Variants in MTA3 observed in about 807,000 individuals in gnomAD.
MTA3 encodes the protein metastasis associated 1 family member 3.
In MTA3, 34 loss-of-function variants were observed where a neutral mutation model predicts 83.5. That is an observed-to-expected ratio of 0.41 (90% CI 0.31 to 0.54). The LOEUF (loss-of-function observed/expected upper bound fraction) is 0.54, where lower values mean the gene tolerates loss of function less well. Ranked by LOEUF, MTA3 falls within the 20% of genes least tolerant of loss-of-function variation. MTA3 has a pLI of 0.33. For synonymous variants in MTA3, 303 were observed against 252.7 expected (o/e 1.20, Z -1.89); for missense variants, 761 against 726.4 (o/e 1.05, Z -0.55).
chr2:42,755,460 G>C lies in MTA3; in HGVS notation c.*2061G>C, dbSNP rs1316821147. The C allele has an allele frequency of 5.1e-6, 5 of 985,348 alleles. No individual in the cohort carries two copies. The highest frequency in any genetic ancestry group is 5.2e-4 in the Middle Eastern group (1 of 1,936). 61.0% of individuals were successfully genotyped at this position (985,348 alleles called of 1,614,324 possible). Reference sequence around the variant, plus strand: ...ATCTACCCAGTTGACATTTGGCTTTGGGAAAAGCGCAGCTTGTTCGAGCCA... The same window carrying C: ...ATCTACCCAGTTGACATTTGGCTTTCGGAAAAGCGCAGCTTGTTCGAGCCA... On this transcript the variant is annotated 3_prime_UTR_variant, in exon 17 of 17. Transcript: ENST00000405094.
Position 42,697,764 on chromosome 2 carries a change from C to T in MTA3, c.967-12C>T, listed in dbSNP as rs959646890. 8 of 1,525,042 alleles carry T rather than the reference C, an allele frequency of 5.2e-6. No individual in the cohort carries two copies. The highest frequency in any genetic ancestry group is 1.4e-5 in the African/African-American group (1 of 72,124). 94.5% of individuals were successfully genotyped at this position (1,525,042 alleles called of 1,614,324 possible). A position where few individuals can be genotyped will look rare whatever the true frequency, so the allele number is the denominator to read the frequency against. On this transcript the variant is annotated splice_polypyrimidine_tract_variant and intron_variant, in intron 10 of 16. Transcript: ENST00000405094. ...ATTGCATGTAAAATGTTTTATTCAT[C>T]TTTTGAATTAGAAACGTCTAAAAGC... is the stretch of plus-strand genomic sequence containing the variant.
intron 10 of MTA3, 23 bp from the exon 11 acceptor site, chr2:42,697,753 G>A (rs1033899337): frequency 2.3e-5 from 34 of 1,502,070 alleles, no homozygotes; most frequent in Non-Finnish European, 3.0e-5. Context: ...CATGTAAAAT[G>A]TTTTATTCAT....
At chr2:42,666,838 T>C (rs1239270679) in intron 8 of MTA3, among the ~76,000 whole-genome samples, 1 of 152,190 alleles carries the variant, frequency 6.6e-6, no homozygotes, top group African/African-American at 2.4e-5. Flanking sequence ...TGAGAATGAG[T>C]AAATTAGCTT....
intron 16 of MTA3, among the ~76,000 whole-genome samples, chr2:42,729,538 A>G (rs1283480843): frequency 6.6e-6 from 1 of 152,058 alleles, no homozygotes; most frequent in African/African-American, 2.4e-5. Flanking sequence ...AAGAGACTAT[A>G]TTTTCTCCAA....
chr2:42,677,983 C>T (rs1691537036), intron 8 of MTA3, among the ~76,000 whole-genome samples: 1 of 152,186 alleles, frequency 6.6e-6, no homozygotes, highest in Admixed American at 6.5e-5. Context: ...TAATGGGGTA[C>T]ATACTACATT....
At chr2:42,536,281 C>G (rs1007004346) in intron 2 of MTA3, among the ~76,000 whole-genome samples, 7 of 151,468 alleles carry the variant, frequency 4.6e-5, no homozygotes, top group Non-Finnish European at 1.5e-5. Context: ...TGAGACCAGC[C>G]TGGCCAATAT....
intron 2 of MTA3, among the ~76,000 whole-genome samples, chr2:42,541,242 G>A (rs960483238): frequency 6.6e-6 from 1 of 152,144 alleles, no homozygotes; most frequent in Non-Finnish European, 1.5e-5. Flanking sequence ...TGTTGGTCAG[G>A]CTGGTCTCGA....
intron 9 of MTA3, among the ~76,000 whole-genome samples, chr2:42,692,410 A>G (rs1573640216): frequency 4.8e-5 from 7 of 145,458 alleles, no homozygotes; most frequent in Admixed American, 4.8e-4. Context: ...CAAAACAGCT[A>G]TCTTGAATTC....
chr2:42,512,464 T>C (rs1674951430), intron 2 of MTA3, among the ~76,000 whole-genome samples: 1 of 152,240 alleles, frequency 6.6e-6, no homozygotes, highest in Non-Finnish European at 1.5e-5. Context: ...GCTAGTACTC[T>C]ATGTCTTCCA....
chr2:42,710,060 G>A (rs1373671049), intron 14 of MTA3, among the ~76,000 whole-genome samples: 2 of 152,126 alleles, frequency 1.3e-5, no homozygotes, highest in East Asian at 1.9e-4. Flanking sequence ...TTGCTGTCTG[G>A]CCTAACAGAT....
chr2:42,592,926 G>T (rs1361763335), intron 3 of MTA3, among the ~76,000 whole-genome samples: 1 of 152,006 alleles, frequency 6.6e-6, no homozygotes, highest in Admixed American at 6.6e-5. Context: ...TGAGGTGGGG[G>T]GATCAGTTGA....
intron 2 of MTA3, among the ~76,000 whole-genome samples, chr2:42,531,865 TC>T (rs1461036500): frequency 6.6e-6 from 1 of 151,876 alleles, no homozygotes; most frequent in Non-Finnish European, 1.5e-5. Context: ...CACGCCATTC[TC>T]CCGCCTCAGC....
intron 9 of MTA3, among the ~76,000 whole-genome samples, chr2:42,684,112 C>A (rs1418410181): frequency 6.6e-6 from 1 of 152,138 alleles, no homozygotes; most frequent in Non-Finnish European, 1.5e-5. Context: ...TCTTGTCTAA[C>A]TATAGTATGT....
At chr2:42,657,871 A>T (rs1017757319) in intron 7 of MTA3, among the ~76,000 whole-genome samples, 1 of 151,768 alleles carries the variant, frequency 6.6e-6, no homozygotes, top group African/African-American at 2.4e-5. Context: ...GGAGGTCAAG[A>T]CTAGCCTGGC....
At chr2:42,716,631 T>A (rs1317325096) in intron 14 of MTA3, among the ~76,000 whole-genome samples, 1 of 152,194 alleles carries the variant, frequency 6.6e-6, no homozygotes, top group East Asian at 1.9e-4. Context: ...GGCCTCCAGC[T>A]CCATCCATGT....
chr2:42,583,521 TC>T (rs1679903044), intron 3 of MTA3, among the ~76,000 whole-genome samples: 1 of 152,138 alleles, frequency 6.6e-6, no homozygotes, highest in South Asian at 2.1e-4. Flanking sequence ...TTTAAAAAAC[TC>T]TTCTCATTAT....
Position 42,709,088 on chromosome 2 carries a change from G to T in MTA3, c.1517G>T (p.Arg506Met). The change falls in exon 14 of 17, where the codon AGG becomes ATG. Residue 506 changes from arginine (R) to methionine (M), a missense_variant. Transcript: ENST00000405094. Reference protein sequence around the residue: ...PFVAINYAAIRAEYADRHAEL... With the variant: ...PFVAINYAAIMAEYADRHAEL... ...GTTGCTATTAATTATGCTGCCATTA[G>T]GGCAGAATGTAAGATGCTTTTAAAT... 1 of 1,598,340 alleles carries T rather than the reference G, an allele frequency of 6.3e-7. No individual in the cohort carries two copies. Among genetic ancestry groups the T allele is most frequent in the East Asian group, 2.3e-5 (1 of 44,116 alleles).
intron 3 of MTA3, among the ~76,000 whole-genome samples, chr2:42,607,950 A>G (rs1683695462): frequency 1.3e-5 from 2 of 152,160 alleles, no homozygotes; most frequent in South Asian, 2.1e-4. Context: ...GACTCCGTCT[A>G]AAAAAAAGTT....
At chr2:42,728,658 G>A (rs920539897) in intron 16 of MTA3, among the ~76,000 whole-genome samples, 3 of 152,014 alleles carry the variant, frequency 2.0e-5, no homozygotes, top group African/African-American at 4.8e-5. Context: ...TTTTAACTGG[G>A]GCTAAATGAT....
Sources: gnomAD v4.1 joint callset for allele counts (sites outside exome capture counted in the v4.1 genomes callset) on GRCh38, gnomAD v4.1.1 for gene constraint, MANE v1.5 for transcripts, NCBI Gene and HGNC (gene_info 2026-07-23, HGNC 2026-07-21) for gene names.